LCOR: variants seen among roughly 807,000 people sequenced by gnomAD.
The protein encoded by LCOR is ligand-dependent corepressor.
Under a neutral mutation model 64.4 loss-of-function variants are expected in LCOR, and 14 were observed. That is an observed-to-expected ratio of 0.22 (90% confidence interval 0.14 to 0.34). The LOEUF (loss-of-function observed/expected upper bound fraction) is 0.34, where lower values mean the gene tolerates loss of function less well. LCOR is among the 10% of genes least tolerant of loss of function. The probability of loss-of-function intolerance (pLI) is 1.00; values close to 1 mark genes in which losing one functional copy is unlikely to be tolerated. For synonymous variants in LCOR, 643 were observed against 642.5 expected (o/e 1.00, Z -0.01); for missense variants, 1,686 against 1,765.3 (o/e 0.96, Z 0.80).
At chr10:96,873,056 C>G (rs1452787296) in intron 2 of LCOR, among the ~76,000 whole-genome samples, 1 of 147,524 alleles carries the variant, frequency 6.8e-6, no homozygotes, top group Non-Finnish European at 1.5e-5. Context: ...GAGCAAAGGG[C>G]TAAAAGGGAT....
chr10:96,845,295 C>T (rs898078578), intron 2 of LCOR, among the ~76,000 whole-genome samples: 42 of 151,708 alleles, frequency 2.8e-4, no homozygotes, highest in African/African-American at 8.7e-4. Flanking sequence ...ATGAGGGGAA[C>T]GTCGGTGTTT....
intron 2 of LCOR, among the ~76,000 whole-genome samples, chr10:96,897,973 A>G (rs1189784205): frequency 6.6e-6 from 1 of 150,858 alleles, no homozygotes; most frequent in African/African-American, 2.4e-5. Flanking sequence ...GAGTCCTTGT[A>G]AAATCTCCAA....
In LCOR at chr10:96,929,155, C is replaced by CT. The variant is rs545026147; in HGVS notation, c.-183-14957dup. ...ACTTTGGTCACCACTGCATTAGACT[C>CT]TAACAATCTCATCAACCTGTTCTTG... On this transcript the variant is annotated intron_variant, in intron 4 of 7. Coordinates refer to ENST00000421806, the MANE Select transcript of LCOR (RefSeq NM_001346516.2). 4.3e-3 allele frequency among the ~76,000 whole-genome samples: 651 copies of CT among 152,348 alleles called. 2 individuals carry two copies. The highest frequency in any genetic ancestry group is 6.8e-3 in the Middle Eastern group (2 of 294).
intron 4 of LCOR, among the ~76,000 whole-genome samples, chr10:96,926,100 C>T (rs1031708453): frequency 6.6e-6 from 1 of 152,182 alleles, no homozygotes; most frequent in African/African-American, 2.4e-5. Context: ...CCTGCTCTAA[C>T]AATGGAATCC....
intron 2 of LCOR, among the ~76,000 whole-genome samples, chr10:96,875,247 G>C (rs914815057): frequency 2.6e-5 from 4 of 151,962 alleles, no homozygotes; most frequent in Non-Finnish European, 4.4e-5. Context: ...AGCCGAGCGT[G>C]GTGGCAGGTG....
intron 4 of LCOR, among the ~76,000 whole-genome samples, chr10:96,920,629 TACATTC>T: frequency 6.8e-6 from 1 of 146,272 alleles, no homozygotes; most frequent in African/African-American, 2.5e-5. Context: ...TATATGTATG[TACATTC>T]ATATATGTGT....
intron 2 of LCOR, among the ~76,000 whole-genome samples, chr10:96,907,003 G>T (rs1263332558): frequency 1.3e-5 from 2 of 152,194 alleles, no homozygotes; most frequent in African/African-American, 4.8e-5. Flanking sequence ...GTAAAATGGT[G>T]AGAAAACCTG....
chr10:96,985,418 CT>C lies in LCOR; in HGVS notation c.*289del, dbSNP rs1239304976. 3.5e-6 allele frequency: 1 copy of C among 284,230 alleles called. No homozygotes were observed. The highest frequency in any genetic ancestry group is 6.8e-6 in the Non-Finnish European group (1 of 146,320). The allele number at this position is 284,230 out of a possible 1,614,324, so 17.6% of individuals were successfully genotyped here. ...TTAAAAGTACAGTGCCTTATTTATCCTTTTTGTTTTTAAATTTACAAAAGCT... is the reference window on the plus strand; with the variant it reads ...TTAAAAGTACAGTGCCTTATTTATCCTTTTGTTTTTAAATTTACAAAAGCT... On this transcript the variant is annotated 3_prime_UTR_variant, in exon 8 of 8. Transcript: ENST00000421806.
chr10:96,949,499 T>TTGA (rs1250564396), intron 6 of LCOR, among the ~76,000 whole-genome samples: 1 of 152,218 alleles, frequency 6.6e-6, no homozygotes, highest in Non-Finnish European at 1.5e-5. Context: ...ATAGTCATGA[T>TTGA]TGATGTACCA....
chr10:96,957,602 G>A, intron 7 of LCOR: 1 of 985,300 alleles, frequency 1.0e-6, no homozygotes. Flanking sequence ...AAAATTGGAG[G>A]GTTGGTTAGA....
chr10:96,941,371 C>T (rs1233668141), intron 4 of LCOR, among the ~76,000 whole-genome samples: 15 of 139,028 alleles, frequency 1.1e-4, no homozygotes, highest in African/African-American at 3.9e-4. Flanking sequence ...CGGGCAGAGG[C>T]GCCCCTCACC....
At chr10:96,913,424 G>A (rs1181752152) in intron 4 of LCOR, among the ~76,000 whole-genome samples, 1 of 152,112 alleles carries the variant, frequency 6.6e-6, no homozygotes, top group Non-Finnish European at 1.5e-5. Flanking sequence ...TCCTAAAAAC[G>A]GACTGCTTCA....
chr10:96,919,758 G>A (rs1048811716), intron 4 of LCOR, among the ~76,000 whole-genome samples: 4 of 152,024 alleles, frequency 2.6e-5, no homozygotes, highest in Non-Finnish European at 5.9e-5. Flanking sequence ...AGTATTTGTC[G>A]TTTTGTGACT....
chr10:96,932,316 G>T (rs1847274762), intron 4 of LCOR, among the ~76,000 whole-genome samples: 2 of 151,976 alleles, frequency 1.3e-5, no homozygotes, highest in South Asian at 4.1e-4. Context: ...ATTATTATTG[G>T]TTAATCATTA....
At chr10:96,941,060 C>CG (rs1484803041) in intron 4 of LCOR, among the ~76,000 whole-genome samples, 5 of 115,038 alleles carry the variant, frequency 4.3e-5, no homozygotes, top group South Asian at 3.1e-4. Flanking sequence ...GGCGGCTGGC[C>CG]GACCCCCCCC....
chr10:96,931,664 C>G (rs1469393379), intron 4 of LCOR, among the ~76,000 whole-genome samples: 1 of 152,104 alleles, frequency 6.6e-6, no homozygotes, highest in Non-Finnish European at 1.5e-5. Context: ...GAGAACATAA[C>G]AACCTGAAGA....
intron 7 of LCOR, among the ~76,000 whole-genome samples, chr10:96,977,067 T>C (rs1848045925): frequency 6.6e-6 from 1 of 152,222 alleles, no homozygotes; most frequent in South Asian, 2.1e-4. Context: ...CACCCACTTA[T>C]TTATAGTCAC....
At chr10:96,866,968 C>T (rs1589616181) in intron 2 of LCOR, among the ~76,000 whole-genome samples, 1 of 151,984 alleles carries the variant, frequency 6.6e-6, no homozygotes, top group Non-Finnish European at 1.5e-5. Flanking sequence ...CCAGATTTTT[C>T]GTATTTGTCA....
In LCOR at chr10:96,952,193, A is replaced by G. The variant is rs989380892; in HGVS notation, c.329A>G (p.Asn110Ser). The change falls in exon 7 of 8, where the codon AAC (asparagine) becomes AGC (serine). Residue 110 changes from asparagine to serine, a missense_variant. By Grantham distance (46) the Asn-to-Ser change is conservative. This residue lies in a region of LCOR where 313 missense variants were observed against 247.2 expected (regional missense o/e 1.27). Transcript: ENST00000421806. ...CCAGGCTGCTCCAGTACTCAAGGGA[A>G]CGGGTAAGGGAGAATATTTGTAGCC... ...HSPGCSSTQG[N>S]GENSTEAKAV... is the part of the protein sequence containing the mutation. 2 of 1,607,650 alleles carry G rather than the reference A, an allele frequency of 1.2e-6. No individual in the cohort carries two copies. Among genetic ancestry groups the G allele is most frequent in the African/African-American group, 1.3e-5 (1 of 74,904 alleles).
Sources: gnomAD v4.1 joint callset for allele counts (sites outside exome capture counted in the v4.1 genomes callset) on GRCh38, gnomAD v4.1.1 for gene constraint, gnomAD v4.1.1 regional missense constraint, MANE v1.5 for transcripts, NCBI Gene and HGNC (gene_info 2026-07-23, HGNC 2026-07-21) for gene names.